BCAS3: variants seen among roughly 807,000 people sequenced by gnomAD.
BCAS3 encodes BCAS4/BCAS3 fusion.
In BCAS3, 53 loss-of-function variants were observed where a neutral mutation model predicts 116.1. The observed-to-expected ratio is 0.46, with a 90% CI of 0.37 to 0.57. The LOEUF is 0.57. Ranked by LOEUF, BCAS3 falls within the 20% of genes least tolerant of loss-of-function variation. BCAS3 has a pLI of 0.00. For missense variants in BCAS3, 917 were observed against 1,165.4 expected (o/e 0.79, Z 3.10); for synonymous variants, 391 against 408.2 (o/e 0.96, Z 0.51).
intron 15 of BCAS3, among the ~76,000 whole-genome samples, chr17:61,011,159 G>A (rs77622953): frequency 0.041 from 6,217 of 152,000 alleles, 462 homozygotes; most frequent in African/African-American, 0.14. Context: ...GGAAAAAATA[G>A]AAGAGTATAG....
chr17:61,273,922 T>TC (rs1568726386), intron 22 of BCAS3, among the ~76,000 whole-genome samples: 39 of 147,734 alleles, frequency 2.6e-4, no homozygotes, highest in African/African-American at 4.9e-4. Flanking sequence ...TCTTTTTTTT[T>TC]TCCCCCACTG....
rs1343206883 is a variant in BCAS3 at position 61,162,703 on chromosome 17, C to G, written c.2425+78139C>G. Reference sequence around the variant, plus strand: ...TAAACCAGTTCAGGGATATACTTCTCTTTCTGAAACTGATTCCATGTCATA... The same window carrying G: ...TAAACCAGTTCAGGGATATACTTCTGTTTCTGAAACTGATTCCATGTCATA... On this transcript the variant is annotated intron_variant, in intron 22 of 23. Transcript: ENST00000407086. This position sits in a 1 kb window ranked among gnomAD's most constrained non-coding sequence, Gnocchi z 5.6. 1.3e-5 allele frequency among the ~76,000 whole-genome samples: 2 copies of G among 152,178 alleles called. No individual in the cohort carries two copies. The highest frequency in any genetic ancestry group is 2.9e-5 in the Non-Finnish European group (2 of 68,028).
intron 19 of BCAS3, among the ~76,000 whole-genome samples, chr17:61,045,592 G>C (rs913824381): frequency 6.7e-6 from 1 of 149,996 alleles, no homozygotes; most frequent in African/African-American, 2.5e-5. Flanking sequence ...GAGGCGGGGG[G>C]ATCGCTTGAA....
At chr17:60,841,922 A>G (rs931609793) in intron 7 of BCAS3, among the ~76,000 whole-genome samples, 1 of 152,018 alleles carries the variant, frequency 6.6e-6, no homozygotes. Flanking sequence ...GTTTGGGGAG[A>G]CTGGGGACCA....
chr17:60,983,747 A>G (rs995246172), intron 14 of BCAS3, among the ~76,000 whole-genome samples: 8 of 152,316 alleles, frequency 5.3e-5, no homozygotes, highest in African/African-American at 1.2e-4. Context: ...ACATAGTTCA[A>G]TTTCACTGTG....
chr17:60,853,296 A>G (rs2053343846), intron 7 of BCAS3, among the ~76,000 whole-genome samples: 1 of 152,160 alleles, frequency 6.6e-6, no homozygotes, highest in Non-Finnish European at 1.5e-5. Flanking sequence ...TTTTATTCAC[A>G]TTTGTTTGTA....
Position 60,698,040 on chromosome 17 carries a change from G to A in BCAS3, c.214+8279G>A, listed in dbSNP as rs555964105. On this transcript the variant is annotated intron_variant, in intron 4 of 23. Transcript: ENST00000407086. The stretch of plus-strand genomic sequence containing the variant: ...TAAAAATACAAAAAATTAGCCAGGC[G>A]TGGTGACGGGCGCCTGTAGTCCCAG... 5.9e-5 allele frequency among the ~76,000 whole-genome samples: 9 copies of A among 151,924 alleles called. No individual in the cohort carries two copies. The South Asian group carries it at 1.5e-3, about 25-fold the overall frequency.
intron 22 of BCAS3, among the ~76,000 whole-genome samples, chr17:61,195,479 C>T (rs1467734635): frequency 6.6e-6 from 1 of 152,192 alleles, no homozygotes; most frequent in Non-Finnish European, 1.5e-5. Context: ...CCTACCTCAG[C>T]CTCCCAAGTA....
rs1310720254 is a variant in BCAS3 at position 61,139,687 on chromosome 17, G to A, written c.2425+55123G>A. 2.0e-5 allele frequency among the ~76,000 whole-genome samples: 3 copies of A among 152,178 alleles called. No individual in the cohort carries two copies. The highest frequency in any genetic ancestry group is 1.3e-4 in the Admixed American group (2 of 15,268). ...ATTAAAAGTCATCATGCTACATGATGTAGGGAATATAAAAAATGAAGAAGG... is the reference window on the plus strand; with the variant it reads ...ATTAAAAGTCATCATGCTACATGATATAGGGAATATAAAAAATGAAGAAGG... On this transcript the variant is annotated intron_variant, in intron 22 of 23. Coordinates refer to ENST00000407086, the MANE Select transcript of BCAS3 (RefSeq NM_017679.5). The surrounding 1 kb of genome is among the most constrained non-coding windows in gnomAD (Gnocchi z 4.7).
At chr17:61,040,983 T>C in intron 19 of BCAS3, 91 bp downstream of exon 19, 1 of 1,058,510 alleles carries the variant, frequency 9.4e-7, no homozygotes, top group Non-Finnish European at 1.4e-6. Context: ...TTACCACTGG[T>C]CCATAGGCCA....
intron 22 of BCAS3, among the ~76,000 whole-genome samples, chr17:61,246,544 C>T (rs966874914): frequency 4.6e-5 from 7 of 151,030 alleles, no homozygotes; most frequent in Non-Finnish European, 7.4e-5. Context: ...CTTTTACTTC[C>T]GCAACCAACC....
At chr17:61,160,960 C>G (rs1199824959) in intron 22 of BCAS3, among the ~76,000 whole-genome samples, 2 of 152,120 alleles carry the variant, frequency 1.3e-5, no homozygotes, top group African/African-American at 2.4e-5. Flanking sequence ...ATAATTAATG[C>G]CTTGTATTTC....
intron 22 of BCAS3, among the ~76,000 whole-genome samples, chr17:61,230,142 TACACACAC>T (rs58423435): frequency 0.58 from 87,581 of 149,928 alleles, 29,540 homozygotes; most frequent in East Asian, 0.9. Flanking sequence ...AGTGTGTGTA[TACACACAC>T]ACACACACAC....
At chr17:60,988,305 G>GTCTTT (rs1221937027) in intron 14 of BCAS3, among the ~76,000 whole-genome samples, 4 of 98,132 alleles carry the variant, frequency 4.1e-5, no homozygotes, top group East Asian at 3.4e-4. Context: ...GTCTGGTCTT[G>GTCTTT]TCTTTTCTTT....
rs565984385 is a variant in BCAS3, at chr17:60,942,287, C to T, written c.1088-4932C>T. On this transcript the variant is annotated intron_variant, in intron 13 of 23. Coordinates refer to ENST00000407086, the MANE Select transcript of BCAS3 (RefSeq NM_017679.5). ...ATCAAAATACAAAAAATTAGCTGGG[C>T]GTGGCGGCGGGCGCCTGTGGTCCCA... 5.2e-4 allele frequency among the ~76,000 whole-genome samples: 79 copies of T among 152,138 alleles called. 3 individuals carry two copies. In the South Asian group the frequency reaches 0.015, roughly 30 times the overall value.
chr17:61,348,262 A>T lies in BCAS3; in HGVS notation c.2426-20065A>T, dbSNP rs2057623106. Among the ~76,000 whole-genome samples, 1 of 152,138 alleles carries T rather than the reference A, an allele frequency of 6.6e-6. No individual in the cohort carries two copies. Among genetic ancestry groups the T allele is most frequent in the South Asian group, 2.1e-4 (1 of 4,826 alleles). ...GGTGTTGCCACCCACCTAAGTAGGG[A>T]TAGAGAAGGAAGAGCAAGGGCTGGA... On this transcript the variant is annotated intron_variant, in intron 22 of 23. Coordinates refer to ENST00000407086, the MANE Select transcript of BCAS3 (RefSeq NM_017679.5). The surrounding 1 kb of genome is among the most constrained non-coding windows in gnomAD (Gnocchi z 4.5).
intron 6 of BCAS3, among the ~76,000 whole-genome samples, chr17:60,799,993 C>T (rs553055846): frequency 1.2e-3 from 184 of 152,206 alleles, no homozygotes; most frequent in Non-Finnish European, 2.1e-3. Context: ...TGTTGAGGGA[C>T]ATCCAGGGGT....
chr17:61,222,535 C>T lies in BCAS3; in HGVS notation c.2425+137971C>T, dbSNP rs747121474. Among the ~76,000 whole-genome samples the T allele has an allele frequency of 2.0e-5, 3 of 152,182 alleles. No homozygotes were observed. Among genetic ancestry groups the T allele is most frequent in the Non-Finnish European group, 2.9e-5 (2 of 68,034 alleles). On this transcript the variant is annotated intron_variant, in intron 22 of 23. Transcript: ENST00000407086. The surrounding 1 kb of genome is among the most constrained non-coding windows in gnomAD (Gnocchi z 6.1). ...GTGTTTGCCTGAGGTACAGATGTTT[C>T]GTGGATCTCCCCTGGTACATTTTTC...
rs369733152 is a variant in BCAS3 at position 61,278,029 on chromosome 17, G to GTTTGT, written c.2426-90275_2426-90271dup. Reference sequence around the variant, plus strand: ...TGAAAACATACCCACACAAAAAATGGTTTGTTTTGTTTTGTTTTGTTTTGT... The same window carrying GTTTGT: ...TGAAAACATACCCACACAAAAAATGGTTTGTTTTGTTTTGTTTTGTTTTGTTTTGT... On this transcript the variant is annotated intron_variant, in intron 22 of 23. Transcript: ENST00000407086. The surrounding 1 kb of genome is among the most constrained non-coding windows in gnomAD (Gnocchi z 5.8). Among the ~76,000 whole-genome samples, 723 of 151,918 alleles carry GTTTGT rather than the reference G, an allele frequency of 4.8e-3. 6 individuals carry two copies. The highest frequency in any genetic ancestry group is 0.017 in the African/African-American group (686 of 41,268).
Sources: gnomAD v4.1 joint callset for allele counts (sites outside exome capture counted in the v4.1 genomes callset) on GRCh38, gnomAD v4.1.1 for gene constraint, Gnocchi (gnomAD v3.1) non-coding constraint, MANE v1.5 for transcripts, NCBI Gene and HGNC (gene_info 2026-07-23, HGNC 2026-07-21) for gene names.